Variants in PRKG2 observed in about 807,000 individuals in gnomAD.
The protein encoded by PRKG2 is cGMP-dependent protein kinase 2.
In PRKG2, 33 loss-of-function variants were observed where a neutral mutation model predicts 97.2. That is an observed-to-expected ratio of 0.34 (90% CI 0.26 to 0.45). The LOEUF is 0.45. Among genes scored for constraint, PRKG2 ranks in the 20% least tolerant of loss-of-function variants. The pLI is 1.00. For synonymous variants in PRKG2, 330 were observed against 321.8 expected (o/e 1.03, Z -0.27); for missense variants, 638 against 900.0 (o/e 0.71, Z 3.73).
chr4:81,126,434 T>C lies in PRKG2; in HGVS notation c.1776+8721A>G, dbSNP rs919376744. ...GTCAAATAGTATTTCTGGTTCTAGA[T>C]CCTTGAGGAATCGCCATACTGTCTT... On this transcript the variant is annotated intron_variant, in intron 14 of 18. Transcript: ENST00000264399. Among the ~76,000 whole-genome samples, 5 of 152,226 alleles carry C rather than the reference T, an allele frequency of 3.3e-5. No homozygotes were observed. In the South Asian group the frequency reaches 1.0e-3, roughly 32 times the overall value.
chr4:81,094,202 G>C (rs1741888052), intron 17 of PRKG2, among the ~76,000 whole-genome samples: 1 of 152,120 alleles, frequency 6.6e-6, no homozygotes, highest in Admixed American at 6.5e-5. Context: ...TGGGAGACAT[G>C]ACTGGTGCCT....
At chr4:81,214,592 G>A (rs542942136) in intron 1 of PRKG2, among the ~76,000 whole-genome samples, 2 of 152,224 alleles carry the variant, frequency 1.3e-5, no homozygotes, top group South Asian at 2.1e-4. Flanking sequence ...GCACCGCCAA[G>A]CCCCTAGCTC....
intron 2 of PRKG2, among the ~76,000 whole-genome samples, chr4:81,188,188 C>T (rs1320844873): frequency 6.6e-6 from 1 of 151,716 alleles, no homozygotes; most frequent in Non-Finnish European, 1.5e-5. Flanking sequence ...AAAAAACAAA[C>T]AACCCCATCA....
intron 14 of PRKG2, among the ~76,000 whole-genome samples, chr4:81,125,380 G>A (rs1745453763): frequency 6.6e-6 from 1 of 152,116 alleles, no homozygotes; most frequent in African/African-American, 2.4e-5. Context: ...TTGATACAAG[G>A]AATCATGCAG....
intron 14 of PRKG2, among the ~76,000 whole-genome samples, chr4:81,116,881 ATTTG>A (rs548474907): frequency 9.7e-4 from 146 of 150,242 alleles, no homozygotes; most frequent in African/African-American, 3.4e-3. Context: ...CTTCTTGTCA[ATTTG>A]TTTAAGTTTC....
At chr4:81,144,845 A>T (rs1396494681) in intron 9 of PRKG2, among the ~76,000 whole-genome samples, 1 of 142,842 alleles carries the variant, frequency 7.0e-6, no homozygotes, top group Non-Finnish European at 1.5e-5. Flanking sequence ...CCTATGAGTG[A>T]GAACATGCAG....
rs1168432926 is a variant in PRKG2, at chr4:81,089,635, A to T, written c.*73T>A. ...AAGATATTATAATACTCTGAAAAGA[A>T]AATAATGTGTTGGATTATTGATCCT... is the stretch of plus-strand genomic sequence containing the variant. On this transcript the variant is annotated 3_prime_UTR_variant, in exon 19 of 19. Transcript: ENST00000264399. 2 of 1,144,560 alleles carry T rather than the reference A, an allele frequency of 1.7e-6. No individual in the cohort carries two copies. The highest frequency in any genetic ancestry group is 4.8e-5 in the East Asian group (2 of 42,034). The allele number at this position is 1,144,560 out of a possible 1,614,324, so 70.9% of individuals were successfully genotyped here.
At chr4:81,180,503 T>C (rs1012176093) in intron 2 of PRKG2, among the ~76,000 whole-genome samples, 1 of 152,124 alleles carries the variant, frequency 6.6e-6, no homozygotes, top group South Asian at 2.1e-4. Context: ...TACAGGAAAG[T>C]AGACCTTAAT....
chr4:81,183,155 C>T (rs1479442662), intron 2 of PRKG2, among the ~76,000 whole-genome samples: 2 of 152,106 alleles, frequency 1.3e-5, no homozygotes, highest in Non-Finnish European at 1.5e-5. Context: ...AGAATATATA[C>T]TACTGGCACA....
intron 6 of PRKG2, among the ~76,000 whole-genome samples, chr4:81,154,981 C>G (rs1197646835): frequency 6.6e-6 from 1 of 151,710 alleles, no homozygotes. Context: ...GAGACCATCC[C>G]GGCTAACACG....
chr4:81,118,353 C>T (rs531647290), intron 14 of PRKG2, among the ~76,000 whole-genome samples: 122 of 152,278 alleles, frequency 8.0e-4, no homozygotes, highest in Admixed American at 4.1e-3. Flanking sequence ...CCATGAATAT[C>T]AAGAAACGTG....
intron 7 of PRKG2, 33 bp from the exon 8 acceptor site, chr4:81,152,087 G>A (rs1438085616): frequency 6.6e-7 from 1 of 1,511,432 alleles, no homozygotes; most frequent in Non-Finnish European, 9.1e-7. Flanking sequence ...AACAGAAAGA[G>A]ACTGAAGAAA....
At chr4:81,201,274 C>T (rs1028133198) in intron 2 of PRKG2, among the ~76,000 whole-genome samples, 2 of 152,162 alleles carry the variant, frequency 1.3e-5, no homozygotes, top group African/African-American at 4.8e-5. Flanking sequence ...TTCTTAGTGG[C>T]ACTAGCTGCA....
At chr4:81,156,646 C>T (rs1749124934) in intron 6 of PRKG2, among the ~76,000 whole-genome samples, 1 of 152,182 alleles carries the variant, frequency 6.6e-6, no homozygotes, top group Non-Finnish European at 1.5e-5. Context: ...AGCACCACGC[C>T]ACACCTACTC....
intron 6 of PRKG2, among the ~76,000 whole-genome samples, chr4:81,156,917 T>C (rs1749152837): frequency 6.6e-6 from 1 of 152,030 alleles, no homozygotes; most frequent in Admixed American, 6.5e-5. Flanking sequence ...ATCTCTGGGA[T>C]GCATTCAAAG....
intron 2 of PRKG2, among the ~76,000 whole-genome samples, chr4:81,188,571 C>T (rs1183453483): frequency 2.2e-5 from 3 of 137,736 alleles, no homozygotes; most frequent in Admixed American, 6.9e-5. Flanking sequence ...GACACATGCA[C>T]ATGTATGTTT....
chr4:81,117,732 A>G (rs1001739079), intron 14 of PRKG2, among the ~76,000 whole-genome samples: 12 of 152,164 alleles, frequency 7.9e-5, no homozygotes, highest in African/African-American at 2.7e-4. Context: ...TGACACAGAG[A>G]TTTCCTATAT....
intron 6 of PRKG2, among the ~76,000 whole-genome samples, chr4:81,157,751 C>A (rs1024738072): frequency 6.6e-6 from 1 of 151,762 alleles, no homozygotes; most frequent in Non-Finnish European, 1.5e-5. Context: ...GGGCTTCATC[C>A]CTGGGATGCA....
At chr4:81,155,176 T>TTAAAAAAAAAAA (rs1185350596) in intron 6 of PRKG2, among the ~76,000 whole-genome samples, 1 of 64,952 alleles carries the variant, frequency 1.5e-5, no homozygotes, top group Non-Finnish European at 2.3e-5. Flanking sequence ...AGACTCCGTC[T>TTAAAAAAAAAAA]CAAAAAAAAA....
Sources: allele counts gnomAD v4.1 joint callset (sites outside exome capture counted in the v4.1 genomes callset), GRCh38; gene constraint gnomAD v4.1.1; transcripts MANE v1.5; gene names NCBI Gene and HGNC (gene_info 2026-07-23, HGNC 2026-07-21).